Variants in HEG1 observed in about 807,000 individuals in gnomAD.
HEG1 encodes the protein protein HEG homolog 1.
A neutral mutation model predicts 125.6 loss-of-function variants in HEG1; 56 were observed. The observed-to-expected ratio is 0.45, with a 90% CI of 0.36 to 0.56. The LOEUF is 0.56. Ranked by LOEUF, HEG1 falls within the 20% of genes least tolerant of loss-of-function variation. The probability of loss-of-function intolerance (pLI) is 0.00; values close to 1 mark genes in which losing one functional copy is unlikely to be tolerated. For missense variants in HEG1, 1,523 were observed against 1,670.0 expected (o/e 0.91, Z 1.53); for synonymous variants, 644 against 668.5 (o/e 0.96, Z 0.57).
chr3:125,008,225 C>G (rs929635501), intron 8 of HEG1, among the ~76,000 whole-genome samples: 1 of 152,162 alleles, frequency 6.6e-6, no homozygotes, highest in African/African-American at 2.4e-5. Context: ...GAGAGAAATT[C>G]TTGATTTTGA....
chr3:124,972,726 C>T (rs190700703), intron 16 of HEG1, among the ~76,000 whole-genome samples: 65 of 152,222 alleles, frequency 4.3e-4, no homozygotes, highest in African/African-American at 1.5e-3. Flanking sequence ...TACGCCTGTT[C>T]GTGTTTGCTT....
intron 14 of HEG1, among the ~76,000 whole-genome samples, chr3:124,988,493 G>A (rs1392750510): frequency 6.6e-6 from 1 of 152,164 alleles, no homozygotes; most frequent in Admixed American, 6.5e-5. Flanking sequence ...ACCATTTAGA[G>A]CGTGATGACT....
intron 14 of HEG1, among the ~76,000 whole-genome samples, chr3:124,981,866 A>C (rs1328736623): frequency 6.6e-6 from 1 of 151,294 alleles, no homozygotes; most frequent in African/African-American, 2.4e-5. Flanking sequence ...ACACACACAC[A>C]CACCCCTCCC....
At chr3:124,991,602 G>C (rs193106006) in intron 12 of HEG1, among the ~76,000 whole-genome samples, 1 of 152,072 alleles carries the variant, frequency 6.6e-6, no homozygotes. Context: ...ACTAAATCAG[G>C]GTTTTGTAGT....
chr3:125,051,734 G>C (rs970725432), intron 1 of HEG1, among the ~76,000 whole-genome samples: 1 of 152,214 alleles, frequency 6.6e-6, no homozygotes, highest in Non-Finnish European at 1.5e-5. Flanking sequence ...CAAAAAGGAC[G>C]CTGGAGACAG....
chr3:124,979,166 G>A (rs1286767203), intron 14 of HEG1, among the ~76,000 whole-genome samples: 1 of 152,038 alleles, frequency 6.6e-6, no homozygotes, highest in Non-Finnish European at 1.5e-5. Context: ...TGGCCAGACT[G>A]ATCTCGAACT....
chr3:125,023,639 C>A, intron 3 of HEG1, among the ~76,000 whole-genome samples: 1 of 147,662 alleles, frequency 6.8e-6, no homozygotes, highest in South Asian at 2.3e-4. Flanking sequence ...ACTTATATTA[C>A]TAAATGAGCA....
rs1013774085 is a variant in HEG1 at position 125,018,905 on chromosome 3, C to A, written c.1588+357G>T. On this transcript the variant is annotated intron_variant, in intron 5 of 16. Transcript: ENST00000311127. ...TTTTTTGAGACACTTTCGCTTTTGT[C>A]GCCCAGGCTGGAGTGCAGTGGTGCG... Among the ~76,000 whole-genome samples the A allele has an allele frequency of 4.1e-5, 5 of 123,068 alleles. No individual in the cohort carries two copies. In the Admixed American group the frequency reaches 5.1e-4, roughly 13 times the overall value. 80.7% of individuals were successfully genotyped at this position (123,068 alleles called of 152,430 possible).
intron 1 of HEG1, among the ~76,000 whole-genome samples, chr3:125,039,684 C>T (rs989937697): frequency 6.6e-6 from 1 of 152,080 alleles, no homozygotes; most frequent in Non-Finnish European, 1.5e-5. Flanking sequence ...CCTCATATAG[C>T]ACATGGGGAA....
chr3:125,008,719 C>T (rs1483992791), intron 8 of HEG1, among the ~76,000 whole-genome samples: 1 of 152,182 alleles, frequency 6.6e-6, no homozygotes, highest in Admixed American at 6.5e-5. Flanking sequence ...ATCGCTTGAA[C>T]CTGGAAGGTG....
intron 1 of HEG1, among the ~76,000 whole-genome samples, chr3:125,032,997 G>A (rs769756792): frequency 6.6e-6 from 1 of 152,116 alleles, no homozygotes; most frequent in Non-Finnish European, 1.5e-5. Context: ...GACAGGGCAG[G>A]ACCCACACTG....
intron 8 of HEG1, among the ~76,000 whole-genome samples, chr3:125,006,819 T>C (rs151221317): frequency 2.2e-3 from 332 of 152,340 alleles, no homozygotes; most frequent in Non-Finnish European, 3.9e-3. Flanking sequence ...TGGAACCCTC[T>C]GCACGCAGGC....
intron 4 of HEG1, among the ~76,000 whole-genome samples, chr3:125,020,526 C>T (rs952907546): frequency 6.6e-6 from 1 of 152,148 alleles, no homozygotes; most frequent in African/African-American, 2.4e-5. Context: ...GCTAAGGTCT[C>T]AACTCTACTG....
In HEG1 at chr3:124,969,947, A is replaced by T. The variant is rs1472516; in HGVS notation, c.*705T>A. ...GTGAGATTTAACTGCAAAGAGATTT[A>T]AAAAAAAAATCTTAAATACATGTGT... On this transcript the variant is annotated 3_prime_UTR_variant, in exon 17 of 17. Transcript: ENST00000311127. The T allele has an allele frequency of 0.67, 102,247 of 151,496 alleles. 35,153 individuals carry two copies. The highest frequency in any genetic ancestry group is 0.82 in the African/African-American group (33,703 of 41,304). The allele number at this position is 151,496 out of a possible 1,614,324, so 9.4% of individuals were successfully genotyped here.
rs761186355 is a variant in HEG1, at chr3:124,977,918, T to G, written c.3762A>C (p.Ala1254=). 53 of 1,580,228 alleles carry G rather than the reference T, an allele frequency of 3.4e-5. 1 individual carries two copies. The Admixed American group carries it at 9.6e-4, about 29-fold the overall frequency. ...TGAGCAGGAGCCCACCTCCCGCGGC[T>G]GCGATCACCACAGTGATAAGCTGAT... ...NPYQLITVVI[A]AAGGGLLLIL... Residue 1254 remains alanine, a synonymous_variant, in exon 15 of 17, where the codon GCA becomes GCC. Coordinates refer to ENST00000311127, the MANE Select transcript of HEG1 (RefSeq NM_020733.2).
chr3:125,023,911 C>T (rs1178606189), intron 3 of HEG1, among the ~76,000 whole-genome samples: 3 of 152,188 alleles, frequency 2.0e-5, no homozygotes, highest in Non-Finnish European at 4.4e-5. Flanking sequence ...AGGAACACAT[C>T]GGAACGCTCA....
At chr3:125,046,137 G>T (rs924167675) in intron 1 of HEG1, among the ~76,000 whole-genome samples, 1 of 151,972 alleles carries the variant, frequency 6.6e-6, no homozygotes. Context: ...TCCAACCCCC[G>T]CCAGAGCTCC....
chr3:124,974,229 A>G (rs1294579807), intron 15 of HEG1, among the ~76,000 whole-genome samples: 1 of 152,150 alleles, frequency 6.6e-6, no homozygotes, highest in Non-Finnish European at 1.5e-5. Context: ...GGGGGTGGCC[A>G]GGAAAACAAG....
At chr3:125,043,382 G>C (rs1252840703) in intron 1 of HEG1, among the ~76,000 whole-genome samples, 3 of 152,054 alleles carry the variant, frequency 2.0e-5, no homozygotes, top group Non-Finnish European at 4.4e-5. Context: ...GGACCTTGGA[G>C]TGACCTCAAG....
Sources: allele counts gnomAD v4.1 joint callset (sites outside exome capture counted in the v4.1 genomes callset), GRCh38; gene constraint gnomAD v4.1.1; transcripts MANE v1.5; gene names NCBI Gene and HGNC (gene_info 2026-07-23, HGNC 2026-07-21).